The following TRPM7 variants were observed in gnomAD, a reference collection of about 807,000 sequenced individuals.
TRPM7 encodes the protein LTRPC ion channel family member 7.
In TRPM7, 134 loss-of-function variants were observed where a neutral mutation model predicts 229.7. The observed-to-expected ratio is 0.58, with a 90% CI of 0.51 to 0.67. TRPM7 has a LOEUF of 0.67. Among genes scored for constraint, TRPM7 ranks in the 30% least tolerant of loss-of-function variants. TRPM7 has a pLI of 0.00. For missense variants in TRPM7, 1,901 were observed against 2,210.0 expected, an observed-to-expected ratio of 0.86 and a Z score of 2.80; for synonymous variants, 699 against 715.2, an observed-to-expected ratio of 0.98 and a Z score of 0.36.
chr15:50,561,646 C>T lies in TRPM7; in HGVS notation c.*32G>A, dbSNP rs1305504420. On this transcript the variant is annotated 3_prime_UTR_variant, in exon 39 of 39. Transcript: ENST00000646667. ...GACACAGTAACATTTCTGTGAGGTG[C>T]AGGCAAAACCAATGATTCAGTAATA... 3 of 1,599,248 alleles carry T rather than the reference C, an allele frequency of 1.9e-6. No individual in the cohort carries two copies. In the East Asian group the frequency reaches 6.7e-5, roughly 36 times the overall value.
chr15:50,590,004 C>T (rs2140350012), intron 26 of TRPM7, among the ~76,000 whole-genome samples: 1 of 152,136 alleles, frequency 6.6e-6, no homozygotes, highest in South Asian at 2.1e-4. Flanking sequence ...ACTACAGGCA[C>T]GTGCCACCAT....
chr15:50,584,745 A>C (rs3131601), intron 28 of TRPM7, among the ~76,000 whole-genome samples: 70,457 of 151,828 alleles, frequency 0.46, 16,529 homozygotes, highest in Admixed American at 0.55. Context: ...TTTTGGATTT[A>C]GGAGCATTTT....
intron 2 of TRPM7, among the ~76,000 whole-genome samples, 171 bp from the exon 3 acceptor site, chr15:50,657,990 T>C (rs1205644919): frequency 6.6e-6 from 1 of 151,540 alleles, no homozygotes; most frequent in Non-Finnish European, 1.5e-5. Flanking sequence ...AACTATTTTT[T>C]AACTGACAGT....
At chr15:50,570,258 C>T in intron 36 of TRPM7, 103 bp from the exon 37 acceptor site, 1 of 802,804 alleles carries the variant, frequency 1.2e-6, no homozygotes, top group East Asian at 2.7e-5. Context: ...GTTATAGTAT[C>T]ATCAATCATT....
chr15:50,650,705 A>AC (rs1331824090), intron 3 of TRPM7, among the ~76,000 whole-genome samples: 1 of 151,716 alleles, frequency 6.6e-6, no homozygotes, highest in African/African-American at 2.4e-5. Flanking sequence ...AAAAAAAACA[A>AC]AAAAAAACAA....
At chr15:50,606,268 A>G (rs1188187055) in intron 20 of TRPM7, among the ~76,000 whole-genome samples, 1 of 151,970 alleles carries the variant, frequency 6.6e-6, no homozygotes, top group Non-Finnish European at 1.5e-5. Context: ...AATCCCAGCT[A>G]CTAGTGAGGG....
chr15:50,590,702 T>C (rs1281678496), intron 26 of TRPM7, among the ~76,000 whole-genome samples: 2 of 152,144 alleles, frequency 1.3e-5, no homozygotes, highest in Non-Finnish European at 2.9e-5. Context: ...CGTGTGCCTG[T>C]AATCTCAGCT....
chr15:50,566,855 G>A (rs1339878705), intron 38 of TRPM7, among the ~76,000 whole-genome samples: 2 of 151,936 alleles, frequency 1.3e-5, no homozygotes, highest in Non-Finnish European at 2.9e-5. Flanking sequence ...GTAAAACAAT[G>A]ACAACGAAAA....
chr15:50,580,379 T>A (rs2054341753), intron 30 of TRPM7, among the ~76,000 whole-genome samples: 1 of 152,232 alleles, frequency 6.6e-6, no homozygotes, highest in African/African-American at 2.4e-5. Context: ...TAGTTTCCAC[T>A]TTTGGTTTTG....
intron 2 of TRPM7, 85 bp from the exon 3 acceptor site, chr15:50,657,904 CA>C (rs1232976816): frequency 6.0e-5 from 65 of 1,078,106 alleles, no homozygotes; most frequent in South Asian, 1.4e-4. Flanking sequence ...AAATACAAAA[CA>C]AAAAAAATTA....
At chr15:50,625,921 CTTAAGA>C (rs10583627) in intron 11 of TRPM7, among the ~76,000 whole-genome samples, 12,068 of 152,142 alleles carry the variant, frequency 0.079, 555 homozygotes, top group South Asian at 0.12. Context: ...TACTATTTTA[CTTAAGA>C]TTATTTCCTT....
At chr15:50,651,487 T>TA (rs908679360) in intron 3 of TRPM7, among the ~76,000 whole-genome samples, 4 of 150,256 alleles carry the variant, frequency 2.7e-5, no homozygotes, top group African/African-American at 9.8e-5. Context: ...GTAATAAAAA[T>TA]AAAAAAAATT....
chr15:50,661,928 G>T lies in TRPM7; in HGVS notation c.83+1039C>A, dbSNP rs554403306. On this transcript the variant is annotated intron_variant, in intron 2 of 38. Coordinates refer to ENST00000646667, the MANE Select transcript of TRPM7 (RefSeq NM_017672.6). ...TTCTATCTTTAGGCCTCAGAAAAAA[G>T]AAAAATTTGCTGGGTGCGGTGGCTC... Among the ~76,000 whole-genome samples the T allele has an allele frequency of 2.0e-5, 3 of 152,230 alleles. No homozygotes were observed. In the South Asian group the frequency reaches 6.2e-4, roughly 32 times the overall value.
chr15:50,661,134 G>A (rs528406115), intron 2 of TRPM7, among the ~76,000 whole-genome samples: 4 of 151,980 alleles, frequency 2.6e-5, no homozygotes, highest in South Asian at 4.2e-4. Flanking sequence ...CCACTACCAC[G>A]TCTGGCTAAT....
At chr15:50,582,717 A>C (rs1054555095) in intron 29 of TRPM7, among the ~76,000 whole-genome samples, 10 of 152,220 alleles carry the variant, frequency 6.6e-5, no homozygotes, top group Admixed American at 5.9e-4. Flanking sequence ...ACTGACTTAT[A>C]TATAATACTT....
At chr15:50,659,451 C>T (rs764398359) in intron 2 of TRPM7, among the ~76,000 whole-genome samples, 11 of 152,032 alleles carry the variant, frequency 7.2e-5, no homozygotes, top group Non-Finnish European at 1.3e-4. Flanking sequence ...AAGTTATGAA[C>T]CAAGTGTCAA....
chr15:50,624,446 A>C, intron 11 of TRPM7, 146 bp from the exon 12 acceptor site: 1 of 645,320 alleles, frequency 1.5e-6, no homozygotes, highest in Non-Finnish European at 2.4e-6. Context: ...GTAAAAAGCT[A>C]ATAAGACTTT....
At chr15:50,632,328 G>A (rs1567046085) in intron 9 of TRPM7, among the ~76,000 whole-genome samples, 1 of 151,852 alleles carries the variant, frequency 6.6e-6, no homozygotes, top group Non-Finnish European at 1.5e-5. Flanking sequence ...AGAAAAGAAC[G>A]TGAAACATTA....
At chr15:50,678,707 G>A (rs189417095) in intron 1 of TRPM7, among the ~76,000 whole-genome samples, 20 of 152,016 alleles carry the variant, frequency 1.3e-4, no homozygotes, top group African/African-American at 4.8e-4. Flanking sequence ...CTATAATTCT[G>A]TAACAATTGG....
Sources: allele counts gnomAD v4.1 joint callset (sites outside exome capture counted in the v4.1 genomes callset), GRCh38; gene constraint gnomAD v4.1.1; transcripts MANE v1.5; gene names NCBI Gene and HGNC (gene_info 2026-07-23, HGNC 2026-07-21).